The following STK32B variants were observed in gnomAD, a reference collection of about 807,000 sequenced individuals.
STK32B encodes the protein serine/threonine-protein kinase 32B.
A neutral mutation model predicts 52.6 loss-of-function variants in STK32B; 43 were observed. The observed-to-expected ratio is 0.82, with a 90% CI of 0.64 to 1.05. STK32B has a LOEUF of 1.05. STK32B is among the 50% of genes least tolerant of loss of function. The pLI is 0.00. For synonymous variants in STK32B, 238 were observed against 204.3 expected (o/e 1.17, Z -1.41); for missense variants, 621 against 534.6 (o/e 1.16, Z -1.59).
At chr4:5,128,584 T>C (rs1715555590) in intron 1 of STK32B, among the ~76,000 whole-genome samples, 1 of 152,190 alleles carries the variant, frequency 6.6e-6, no homozygotes, top group Non-Finnish European at 1.5e-5. Context: ...ATTAATCAAC[T>C]AGAAAGCAAA....
chr4:5,252,218 T>A (rs1725983580), intron 3 of STK32B, among the ~76,000 whole-genome samples: 1 of 152,180 alleles, frequency 6.6e-6, no homozygotes, highest in Non-Finnish European at 1.5e-5. Flanking sequence ...CATATAAATA[T>A]GTGCCAAAGA....
chr4:5,054,874 T>C (rs1212149857), intron 1 of STK32B, among the ~76,000 whole-genome samples: 2 of 152,242 alleles, frequency 1.3e-5, no homozygotes, highest in Non-Finnish European at 2.9e-5. Flanking sequence ...AAAGTTTAAC[T>C]CATTGTGTGC....
At chr4:5,243,558 A>C (rs1431661961) in intron 3 of STK32B, among the ~76,000 whole-genome samples, 1 of 152,148 alleles carries the variant, frequency 6.6e-6, no homozygotes, top group Non-Finnish European at 1.5e-5. Context: ...TTCCTAATTG[A>C]ATGCCCCTTA....
intron 5 of STK32B, among the ~76,000 whole-genome samples, chr4:5,412,940 A>AT (rs1711821003): frequency 6.6e-6 from 1 of 151,926 alleles, no homozygotes; most frequent in South Asian, 2.1e-4. Context: ...GGTCTGACAC[A>AT]TTTTTCCCTT....
At chr4:5,338,846 A>G (rs1330721438) in intron 4 of STK32B, among the ~76,000 whole-genome samples, 1 of 152,238 alleles carries the variant, frequency 6.6e-6, no homozygotes, top group Non-Finnish European at 1.5e-5. Flanking sequence ...ATGTGTGATG[A>G]TTAATTTTCT....
chr4:5,120,336 A>G (rs1448389420), intron 1 of STK32B, among the ~76,000 whole-genome samples: 1 of 152,206 alleles, frequency 6.6e-6, no homozygotes, highest in Non-Finnish European at 1.5e-5. Context: ...CTCATCACGT[A>G]GGCATTTTAT....
At chr4:5,374,213 C>A (rs1194573673) in intron 4 of STK32B, among the ~76,000 whole-genome samples, 1 of 152,180 alleles carries the variant, frequency 6.6e-6, no homozygotes, top group Admixed American at 6.5e-5. Context: ...AAATTCTGGC[C>A]TTTGTATTTT....
intron 2 of STK32B, among the ~76,000 whole-genome samples, chr4:5,152,586 G>C (rs1051177732): frequency 6.6e-6 from 1 of 152,282 alleles, no homozygotes; most frequent in South Asian, 2.1e-4. Flanking sequence ...CTTCCATGGA[G>C]GATGTCAGGA....
intron 3 of STK32B, among the ~76,000 whole-genome samples, chr4:5,274,743 T>G (rs544631502): frequency 6.6e-6 from 1 of 152,154 alleles, no homozygotes; most frequent in Non-Finnish European, 1.5e-5. Context: ...TATTAAATCT[T>G]GCAACTGCAC....
At chr4:5,190,514 A>G (rs1721100065) in intron 3 of STK32B, among the ~76,000 whole-genome samples, 1 of 152,154 alleles carries the variant, frequency 6.6e-6, no homozygotes, top group African/African-American at 2.4e-5. Flanking sequence ...GGGTTCATTT[A>G]TTCAACACAT....
intron 3 of STK32B, among the ~76,000 whole-genome samples, chr4:5,330,650 G>A (rs1191143762): frequency 6.6e-6 from 1 of 152,170 alleles, no homozygotes; most frequent in Non-Finnish European, 1.5e-5. Context: ...TGTGGATCTG[G>A]TTTTCCTTCT....
intron 6 of STK32B, among the ~76,000 whole-genome samples, chr4:5,439,065 G>C (rs1023183655): frequency 6.7e-6 from 1 of 150,144 alleles, no homozygotes; most frequent in Non-Finnish European, 1.5e-5. Context: ...ATAAACATAT[G>C]TGTGCATGTG....
chr4:5,302,345 C>T (rs1729620216), intron 3 of STK32B, among the ~76,000 whole-genome samples: 1 of 151,998 alleles, frequency 6.6e-6, no homozygotes, highest in Non-Finnish European at 1.5e-5. Context: ...AACATATTAA[C>T]ATATTATTAT....
At chr4:5,290,080 T>A (rs1378784812) in intron 3 of STK32B, among the ~76,000 whole-genome samples, 1 of 152,130 alleles carries the variant, frequency 6.6e-6, no homozygotes, top group Non-Finnish European at 1.5e-5. Flanking sequence ...TACTATTTAT[T>A]TAGCTCCCAC....
intron 11 of STK32B, among the ~76,000 whole-genome samples, chr4:5,479,123 GT>G (rs5855856): frequency 0.15 from 20,636 of 139,298 alleles, 3,251 homozygotes; most frequent in African/African-American, 0.41. Flanking sequence ...TTTTGTTTTT[GT>G]TTTTTTTTTT....
At chr4:5,198,336 C>T (rs1304404029) in intron 3 of STK32B, among the ~76,000 whole-genome samples, 1 of 152,196 alleles carries the variant, frequency 6.6e-6, no homozygotes, top group Non-Finnish European at 1.5e-5. Flanking sequence ...GCCTCTTTGA[C>T]CGCCTTTTCA....
chr4:5,415,945 C>T (rs143741889), intron 5 of STK32B, among the ~76,000 whole-genome samples: 2 of 152,308 alleles, frequency 1.3e-5, no homozygotes, highest in Non-Finnish European at 2.9e-5. Flanking sequence ...ATGTGCCACC[C>T]ATCTATGCAT....
intron 11 of STK32B, among the ~76,000 whole-genome samples, chr4:5,492,810 C>G (rs1029598706): frequency 1.3e-5 from 2 of 151,166 alleles, no homozygotes; most frequent in Non-Finnish European, 2.9e-5. Flanking sequence ...TGTCAAAGGC[C>G]TTTTCTGCAT....
chr4:5,205,158 C>T (rs1255227709), intron 3 of STK32B, among the ~76,000 whole-genome samples: 2 of 152,134 alleles, frequency 1.3e-5, no homozygotes, highest in African/African-American at 2.4e-5. Context: ...GGTCCTCAGA[C>T]CTTGGGACTG....
Sources: allele counts gnomAD v4.1 joint callset (sites outside exome capture counted in the v4.1 genomes callset), GRCh38; gene constraint gnomAD v4.1.1; transcripts MANE v1.5; gene names NCBI Gene and HGNC (gene_info 2026-07-23, HGNC 2026-07-21).